Variants in CRYBA4 observed in about 807,000 individuals in gnomAD.
CRYBA4 encodes beta-crystallin A4.
In CRYBA4, 30 loss-of-function variants were observed where a neutral mutation model predicts 31.7. The observed-to-expected ratio is 0.95, with a 90% CI of 0.71 to 1.28. The LOEUF is 1.28. Ranked by LOEUF, CRYBA4 falls within the 50% of genes most tolerant of loss-of-function variation. The pLI is 0.00. For synonymous variants in CRYBA4, 102 were observed against 102.3 expected (o/e 1.00, Z 0.02); for missense variants, 225 against 260.7 (o/e 0.86, Z 0.94).
the CRYBA4 span, among the ~76,000 whole-genome samples, chr22:26,607,066 C>T: frequency 1.3e-5 from 2 of 148,830 alleles, no homozygotes; most frequent in East Asian, 2.0e-4. Flanking sequence ...ACCGTCACCC[C>T]GGCTGGAGTG....
chr22:26,613,170 ATCT>A, the CRYBA4 span, among the ~76,000 whole-genome samples: 1 of 152,202 alleles, frequency 6.6e-6, no homozygotes, highest in Non-Finnish European at 1.5e-5. Flanking sequence ...ACTTGAGCTA[ATCT>A]TCTCTCCTCA....
chr22:26,609,945 A>G, the CRYBA4 span, among the ~76,000 whole-genome samples: 1 of 152,214 alleles, frequency 6.6e-6, no homozygotes, highest in East Asian at 1.9e-4. Context: ...GAACAGATAC[A>G]GCACAGAGTA....
At chr22:26,624,873 C>G (rs765544567) in intron 3 of CRYBA4, among the ~76,000 whole-genome samples, 5 of 152,210 alleles carry the variant, frequency 3.3e-5, no homozygotes, top group Admixed American at 6.5e-5. Flanking sequence ...CTGCTGTCGC[C>G]TGTGGGGAGG....
the CRYBA4 span, among the ~76,000 whole-genome samples, chr22:26,600,540 A>G: frequency 6.6e-6 from 1 of 152,246 alleles, no homozygotes; most frequent in Non-Finnish European, 1.5e-5. Context: ...ATCTAGGTGG[A>G]TAAGGTATCA....
At chr22:26,601,963 A>G in the CRYBA4 span, 2 of 1,613,560 alleles carry the variant, frequency 1.2e-6, no homozygotes, top group Non-Finnish European at 1.7e-6. Context: ...CTGGATCTCT[A>G]TGGTGTTGCC....
At chr22:26,626,192 A>G (rs1452343813) in intron 4 of CRYBA4, among the ~76,000 whole-genome samples, 1 of 152,178 alleles carries the variant, frequency 6.6e-6, no homozygotes, top group Non-Finnish European at 1.5e-5. Flanking sequence ...ACTTGAGGCC[A>G]GGAGTTCAAG....
chr22:26,618,891 C>G (rs993542769), upstream of CRYBA4, among the ~76,000 whole-genome samples: 1 of 152,174 alleles, frequency 6.6e-6, no homozygotes, highest in African/African-American at 2.4e-5. Flanking sequence ...GACAGTGATC[C>G]CTCTCGCCAC....
chr22:26,599,308 G>T, the CRYBA4 span: 16 of 609,012 alleles, frequency 2.6e-5, no homozygotes, highest in East Asian at 4.4e-4. Context: ...TTTTATTATC[G>T]TTGTAATTAT....
upstream of CRYBA4, among the ~76,000 whole-genome samples, chr22:26,617,805 C>G (rs995914731): frequency 1.3e-5 from 2 of 151,746 alleles, no homozygotes; most frequent in African/African-American, 4.8e-5. Context: ...TCTTTTCTCA[C>G]TCTCTCCCCT....
chr22:26,606,974 CTTA>C, the CRYBA4 span, among the ~76,000 whole-genome samples: 1 of 146,830 alleles, frequency 6.8e-6, no homozygotes, highest in South Asian at 2.1e-4. Context: ...AGTATATTGT[CTTA>C]TTATTAAGAG....
At chr22:26,616,383 C>T in the CRYBA4 span, 1 of 1,331,878 alleles carries the variant, frequency 7.5e-7, no homozygotes, top group Non-Finnish European at 1.1e-6. Context: ...CCCAAACTGC[C>T]TCCTGCCCTC....
intron 4 of CRYBA4, among the ~76,000 whole-genome samples, chr22:26,626,425 AC>A (rs1569211314): frequency 1.3e-5 from 2 of 152,186 alleles, no homozygotes; most frequent in Non-Finnish European, 2.9e-5. Context: ...AAACAAAAAA[AC>A]AAAAACAAAC....
At chr22:26,599,750 CT>C in the CRYBA4 span, 2 of 1,155,820 alleles carry the variant, frequency 1.7e-6, no homozygotes, top group South Asian at 1.2e-5. Context: ...CCAGACCAGC[CT>C]GTCCTTCATT....
chr22:26,627,674 T>A (rs1186145386), intron 4 of CRYBA4, among the ~76,000 whole-genome samples: 4 of 148,044 alleles, frequency 2.7e-5, no homozygotes, highest in Non-Finnish European at 5.9e-5. Context: ...TTTGATGGAG[T>A]TTTTGCTTTT....
chr22:26,594,645 T>C, the CRYBA4 span, among the ~76,000 whole-genome samples: 152,236 of 152,250 alleles, frequency 1, 76,111 homozygotes, highest in Middle Eastern at 1. Context: ...GGGCTGAGAT[T>C]GCGCCACTGC....
the CRYBA4 span, among the ~76,000 whole-genome samples, chr22:26,597,522 TATC>T: frequency 6.6e-6 from 1 of 152,198 alleles, no homozygotes. Context: ...CTGCCTGGAA[TATC>T]ATCTCCCCTA....
the CRYBA4 span, among the ~76,000 whole-genome samples, chr22:26,594,194 T>C: frequency 6.6e-6 from 1 of 152,216 alleles, no homozygotes; most frequent in East Asian, 1.9e-4. Context: ...ATCCTAAGTA[T>C]CTGACCCAGG....
chr22:26,628,181 A>C, intron 4 of CRYBA4, 107 bp from the exon 5 acceptor site: 1 of 1,536,104 alleles, frequency 6.5e-7, no homozygotes, highest in Non-Finnish European at 9.0e-7. Flanking sequence ...AAGGTTTGCA[A>C]GGAAGGCTGA....
chr22:26,612,085 CAAT>C, the CRYBA4 span: 1 of 1,613,136 alleles, frequency 6.2e-7, no homozygotes, highest in Non-Finnish European at 8.5e-7. Context: ...CCCGCGGAGA[CAAT>C]GATGCTGCGC....
Sources: gnomAD v4.1 joint callset for allele counts (sites outside exome capture counted in the v4.1 genomes callset) on GRCh38, gnomAD v4.1.1 for gene constraint, MANE v1.5 for transcripts, NCBI Gene and HGNC (gene_info 2026-07-23, HGNC 2026-07-21) for gene names.